Variants in VBP1 observed in about 807,000 individuals in gnomAD.
The protein encoded by VBP1 is VHL binding protein 1.
In VBP1, 4 loss-of-function variants were observed where a neutral mutation model predicts 15.5. That is an observed-to-expected ratio of 0.26 (90% CI 0.13 to 0.59). The LOEUF (loss-of-function observed/expected upper bound fraction) is 0.59, where lower values mean the gene tolerates loss of function less well. VBP1 is among the 20% of genes least tolerant of loss of function. The probability of loss-of-function intolerance (pLI) is 0.90; values close to 1 mark genes in which losing one functional copy is unlikely to be tolerated. For synonymous variants in VBP1, 61 were observed against 52.1 expected, an observed-to-expected ratio of 1.17 and a Z score of -0.74; for missense variants, 108 against 139.6, an observed-to-expected ratio of 0.77 and a Z score of 1.14.
At chrX:155,214,768 C>CTTTTTTTTTT (rs782556765), upstream of VBP1, among the ~76,000 whole-genome samples, 3 of 83,076 alleles carry the variant, frequency 3.6e-5, no homozygotes, top group African/African-American at 5.2e-5. Flanking sequence ...TTTTCTTTTC[C>CTTTTTTTTTT]TTTTTTTTTT....
chrX:155,210,762 G>A (rs934588673), intron 2 of VBP1, among the ~76,000 whole-genome samples: 1 of 112,120 alleles, frequency 8.9e-6, no homozygotes, highest in Non-Finnish European at 1.9e-5. Flanking sequence ...CAGACTCCCA[G>A]CATGTAATTG....
intron 1 of VBP1, among the ~76,000 whole-genome samples, chrX:155,203,355 C>T (rs1243466575): frequency 1.8e-5 from 2 of 110,653 alleles, no homozygotes; most frequent in African/African-American, 6.6e-5. Context: ...GACTTGGAAC[C>T]AACCCAGATG....
chrX:155,217,725 G>A (rs1156313857), intron 1 of VBP1, among the ~76,000 whole-genome samples: 1 of 111,913 alleles, frequency 8.9e-6, no homozygotes, highest in Non-Finnish European at 1.9e-5. Context: ...CTTTCTTAAT[G>A]ATTTTACAAA....
chrX:155,220,829 T>C (rs1250865119), intron 2 of VBP1, among the ~76,000 whole-genome samples: 1 of 112,200 alleles, frequency 8.9e-6, no homozygotes, highest in African/African-American at 3.2e-5. Context: ...GTAAGATAAA[T>C]ATTTATGGAA....
At chrX:155,209,186 G>A (rs1213464462) in intron 2 of VBP1, among the ~76,000 whole-genome samples, 1 of 112,363 alleles carries the variant, frequency 8.9e-6, no homozygotes, top group Non-Finnish European at 1.9e-5. Context: ...ATAAACTTGT[G>A]TTGTTAAGCC....
chrX:155,235,471 G>A (rs2074767525), intron 4 of VBP1, among the ~76,000 whole-genome samples: 1 of 111,221 alleles, frequency 9.0e-6, no homozygotes, highest in African/African-American at 3.3e-5. Context: ...GGAAATGCCA[G>A]TGGTAAGTCA....
At chrX:155,218,650 C>T (rs1046191468) in intron 1 of VBP1, among the ~76,000 whole-genome samples, 1 of 111,306 alleles carries the variant, frequency 9.0e-6, no homozygotes, top group African/African-American at 3.3e-5. Flanking sequence ...TTTCTCTGAC[C>T]TCTACCCCAA....
At chrX:155,204,922 A>G (rs1602868471) in intron 1 of VBP1, among the ~76,000 whole-genome samples, 2 of 111,891 alleles carry the variant, frequency 1.8e-5, no homozygotes, top group East Asian at 2.8e-4. Flanking sequence ...CTTCTAGTCT[A>G]TATTAATCAG....
chrX:155,203,490 C>T (rs1303033615), intron 1 of VBP1, among the ~76,000 whole-genome samples: 3 of 108,503 alleles, frequency 2.8e-5, no homozygotes, highest in Admixed American at 9.9e-5. Context: ...AATCATCATT[C>T]TCAGTAAAGT....
upstream of VBP1, chrX:155,216,426 T>C (rs1248305710): frequency 2.6e-6 from 3 of 1,153,928 alleles, no homozygotes; most frequent in African/African-American, 1.8e-5. Context: ...AACAAGCCAA[T>C]CACGGAATCC....
chrX:155,230,831 G>C (rs782377872), intron 4 of VBP1, among the ~76,000 whole-genome samples: 102 of 111,299 alleles, frequency 9.2e-4, no homozygotes, highest in African/African-American at 3.2e-3. Flanking sequence ...TCACAGGCAC[G>C]TGCTACCATG....
At chrX:155,216,708 C>G in intron 1 of VBP1, 133 bp downstream of exon 1, 3 of 912,849 alleles carry the variant, frequency 3.3e-6, no homozygotes, top group South Asian at 4.9e-5. Context: ...TCGGTCTGCT[C>G]TCACCCCTCG....
chrX:155,207,667 T>G, intron 1 of VBP1, among the ~76,000 whole-genome samples: 1 of 111,410 alleles, frequency 9.0e-6, no homozygotes, highest in South Asian at 3.8e-4. Context: ...TAAAATTCTT[T>G]TAACTTCATT....
chrX:155,214,165 C>G (rs499669), upstream of VBP1, among the ~76,000 whole-genome samples: 61,236 of 111,527 alleles, frequency 0.55, 14,276 homozygotes, highest in Middle Eastern at 0.79. Context: ...ATAAATCACT[C>G]ACATTGTTGA....
chrX:155,203,629 G>T (rs2074615361), intron 1 of VBP1, among the ~76,000 whole-genome samples: 1 of 76,273 alleles, frequency 1.3e-5, no homozygotes, highest in African/African-American at 5.1e-5. Flanking sequence ...GGCGGGGGGA[G>T]GGATACCATT....
chrX:155,226,435 T>G (rs1383477683), intron 2 of VBP1, among the ~76,000 whole-genome samples: 3 of 112,248 alleles, frequency 2.7e-5, no homozygotes, highest in African/African-American at 9.7e-5. Flanking sequence ...TTTCTTGTGT[T>G]TAAATCAGTG....
chrX:155,198,599 A>C lies in VBP1; in HGVS notation c.-31+1460A>C, dbSNP rs1368521619. On this transcript the variant is annotated intron_variant, in intron 1 of 6. Transcript: ENST00000535916. ...AACAGAAAGGACATCCACACCAAAA[A>C]CCCATCTGTACATCACCATCATCAA... Among the ~76,000 whole-genome samples, 3 of 110,456 alleles carry C rather than the reference A, an allele frequency of 2.7e-5. No homozygotes were observed. The East Asian group carries it at 8.5e-4, about 31-fold the overall frequency.
At chrX:155,212,649 C>T (rs1339584906), upstream of VBP1, among the ~76,000 whole-genome samples, 1 of 111,723 alleles carries the variant, frequency 9.0e-6, no homozygotes, top group Non-Finnish European at 1.9e-5. Context: ...TGAGGCACAG[C>T]CTGTTAAATG....
At position 155,198,740 on chromosome X, in the gene VBP1, C is replaced by T. The variant is rs782801334; in HGVS notation, c.-31+1601C>T. On this transcript the variant is annotated intron_variant, in intron 1 of 6. Coordinates refer to the VBP1 transcript ENST00000535916. The stretch of plus-strand genomic sequence containing the variant: ...AAGGAACGCAGTTCCTCACCAGCAA[C>T]GGAACAAAGCTGGACAGAGAATGAC... Among the ~76,000 whole-genome samples, 15 of 107,907 alleles carry T rather than the reference C, an allele frequency of 1.4e-4. 1 individual carries two copies. Among genetic ancestry groups the T allele is most frequent in the Middle Eastern group, 4.8e-3 (1 of 209 alleles). The allele number at this position is 107,907 out of a possible 115,157, so 93.7% of individuals were successfully genotyped here.
Sources: allele counts gnomAD v4.1 joint callset (sites outside exome capture counted in the v4.1 genomes callset), GRCh38; gene constraint gnomAD v4.1.1; transcripts MANE v1.5; gene names NCBI Gene and HGNC (gene_info 2026-07-23, HGNC 2026-07-21).